Variants in PLEKHB2 observed in about 807,000 individuals in gnomAD.
PLEKHB2 encodes the protein pleckstrin homology domain containing B2.
In PLEKHB2, 31 loss-of-function variants were observed where a neutral mutation model predicts 36.5. That is an observed-to-expected ratio of 0.85 (90% confidence interval 0.64 to 1.15). PLEKHB2 has a LOEUF of 1.15. Ranked by LOEUF, PLEKHB2 falls within the 50% of genes most tolerant of loss-of-function variation. The pLI is 0.00. For missense variants in PLEKHB2, 262 were observed against 295.3 expected (o/e 0.89, Z 0.83); for synonymous variants, 119 against 112.0 (o/e 1.06, Z -0.39).
intron 1 of PLEKHB2, 134 bp from the exon 2 acceptor site, chr2:131,120,800 A>G: frequency 1.2e-6 from 1 of 805,244 alleles, no homozygotes; most frequent in Non-Finnish European, 2.2e-6. Flanking sequence ...GTTAAATGCC[A>G]GGGGGGCACT....
At chr2:131,106,065 A>G (rs1284842381) in intron 1 of PLEKHB2, among the ~76,000 whole-genome samples, 1 of 151,942 alleles carries the variant, frequency 6.6e-6, no homozygotes, top group Non-Finnish European at 1.5e-5. Context: ...CTTATCTTAC[A>G]TATCTCTCTT....
intron 1 of PLEKHB2, among the ~76,000 whole-genome samples, chr2:131,116,953 C>T (rs913846890): frequency 6.6e-6 from 1 of 152,024 alleles, no homozygotes; most frequent in Non-Finnish European, 1.5e-5. Context: ...TGGTGAAAGC[C>T]TGTCTCCACT....
chr2:131,111,625 GGACTACAGGAGCCTGC>G (rs1267668525), intron 1 of PLEKHB2, among the ~76,000 whole-genome samples: 1 of 150,976 alleles, frequency 6.6e-6, no homozygotes, highest in Admixed American at 6.6e-5. Context: ...TGAGTAGCTG[GGACTACAGGAGCCTGC>G]CACCACGCCC....
chr2:131,125,091 G>GT, intron 2 of PLEKHB2, among the ~76,000 whole-genome samples: 1 of 152,170 alleles, frequency 6.6e-6, no homozygotes, highest in South Asian at 2.1e-4. Flanking sequence ...GCCAAAATGT[G>GT]TTTTTTCAAA....
At chr2:131,105,755 T>C (rs2104743405) in intron 1 of PLEKHB2, among the ~76,000 whole-genome samples, 1 of 152,000 alleles carries the variant, frequency 6.6e-6, no homozygotes, top group South Asian at 2.1e-4. Flanking sequence ...CCGCGGACCC[T>C]CCTCCTTTCC....
rs1699532380 is a variant in PLEKHB2, at chr2:131,149,531, T to G, written c.*2758T>G. On this transcript the variant is annotated 3_prime_UTR_variant, in exon 8 of 8. Transcript: ENST00000693505. The stretch of plus-strand genomic sequence containing the variant: ...ATCATTTGTGAACAAGGCCAGACTT[T>G]GCCCATTTTAGGCTATCCAGGACTT... The G allele has an allele frequency of 6.6e-6, 1 of 152,252 alleles. No individual in the cohort carries two copies. Among genetic ancestry groups the G allele is most frequent in the African/African-American group, 2.4e-5 (1 of 41,472 alleles). 9.4% of individuals were successfully genotyped at this position (152,252 alleles called of 1,614,324 possible).
In PLEKHB2 at chr2:131,125,883, C is replaced by T; in HGVS notation, c.168C>T (p.Ile56=). 1 of 1,613,318 alleles carries T rather than the reference C, an allele frequency of 6.2e-7. No individual in the cohort carries two copies. Among genetic ancestry groups the T allele is most frequent in the Non-Finnish European group, 8.5e-7 (1 of 1,179,764 alleles). The change falls in exon 3 of 8, where the codon ATC becomes ATT. Residue 56 remains isoleucine (I), a synonymous_variant. Transcript: ENST00000693505. ...KVHMPMDCIN[I]RTGQECRDTQ... is the part of the protein sequence containing the mutation. ...ACATGCCAATGGACTGCATCAACAT[C>T]CGCACGGGGCAGGAATGTCGGGGTA...
At position 131,146,725 on chromosome 2, in the gene PLEKHB2, A is replaced by G; in HGVS notation, c.621A>G (p.Ala207=). The G allele has an allele frequency of 6.2e-7, 1 of 1,614,010 alleles. No homozygotes were observed. The highest frequency in any genetic ancestry group is 8.5e-7 in the Non-Finnish European group (1 of 1,179,942). Residue 207 remains alanine (A), a synonymous_variant, in exon 8 of 8, where the codon GCA becomes GCG. Coordinates refer to ENST00000693505, the MANE Select transcript of PLEKHB2 (RefSeq NM_001100623.2). The stretch of plus-strand genomic sequence containing the variant: ...GCGACCTGGCACTGGGCATGCTGGC[A>G]GGAGCAGCCACGGGCATGGCCTTAG... ...NDSDLALGML[A]GAATGMALGS... is the part of the protein sequence containing the mutation.
chr2:131,145,212 T>TTGAGTA (rs1699162785), intron 7 of PLEKHB2, among the ~76,000 whole-genome samples: 1 of 152,236 alleles, frequency 6.6e-6, no homozygotes, highest in Non-Finnish European at 1.5e-5. Flanking sequence ...GTGCACTCAG[T>TTGAGTA]TGAGTAAGAG....
chr2:131,111,637 C>G (rs1014834260), intron 1 of PLEKHB2, among the ~76,000 whole-genome samples: 2 of 151,506 alleles, frequency 1.3e-5, no homozygotes, highest in Non-Finnish European at 2.9e-5. Flanking sequence ...ACTACAGGAG[C>G]CTGCCACCAC....
intron 6 of PLEKHB2, among the ~76,000 whole-genome samples, chr2:131,135,897 C>T (rs570479845): frequency 3.9e-5 from 6 of 152,138 alleles, no homozygotes; most frequent in African/African-American, 9.6e-5. Flanking sequence ...CGTGAGCCAC[C>T]GCGCCCGGCC....
At chr2:131,128,061 G>C (rs926384198) in intron 4 of PLEKHB2, among the ~76,000 whole-genome samples, 6 of 152,106 alleles carry the variant, frequency 3.9e-5, no homozygotes, top group Non-Finnish European at 7.3e-5. Context: ...AGACTTACTC[G>C]GTCTCAGAAG....
Position 131,140,055 on chromosome 2 carries a change from TG to T in PLEKHB2, c.424-111del, listed in dbSNP as rs1224316981. The T allele has an allele frequency of 1.3e-5, 8 of 635,744 alleles. No individual in the cohort carries two copies. In the Admixed American group the frequency reaches 2.0e-4, roughly 16 times the overall value. The allele number at this position is 635,744 out of a possible 1,614,324, so 39.4% of individuals were successfully genotyped here. A position where few individuals can be genotyped will look rare whatever the true frequency, so the allele number is the denominator to read the frequency against. On this transcript the variant is annotated intron_variant, in intron 6 of 7. Transcript: ENST00000693505. ...AACCACACTGTTTCATGTTTTGTTT[TG>T]TTTTTTTTAATTGACTGTTGAATTT...
intron 2 of PLEKHB2, among the ~76,000 whole-genome samples, chr2:131,123,013 GAAGT>G (rs1378878789): frequency 5.9e-5 from 9 of 152,286 alleles, no homozygotes; most frequent in African/African-American, 1.9e-4. Flanking sequence ...ACCACAACTT[GAAGT>G]AAGTGCTCTG....
At chr2:131,142,652 A>G (rs1454250454) in intron 7 of PLEKHB2, among the ~76,000 whole-genome samples, 2 of 151,254 alleles carry the variant, frequency 1.3e-5, no homozygotes, top group Admixed American at 6.6e-5. Context: ...GCTCACTGCA[A>G]CCTCTGCCTC....
intron 6 of PLEKHB2, among the ~76,000 whole-genome samples, chr2:131,135,280 C>T (rs1453530595): frequency 6.6e-6 from 1 of 152,092 alleles, no homozygotes; most frequent in Non-Finnish European, 1.5e-5. Context: ...GATGGCCAGG[C>T]TAGTTTCAAA....
intron 6 of PLEKHB2, among the ~76,000 whole-genome samples, chr2:131,137,524 G>A (rs1314153200): frequency 2.6e-5 from 4 of 152,102 alleles, no homozygotes; most frequent in Admixed American, 1.3e-4. Flanking sequence ...TTTTCTTATA[G>A]GTTGTCTGAC....
chr2:131,109,556 G>C (rs1001202543), intron 1 of PLEKHB2, among the ~76,000 whole-genome samples: 12 of 152,040 alleles, frequency 7.9e-5, no homozygotes, highest in African/African-American at 2.7e-4. Context: ...TGTGCGTGGT[G>C]GTGGGCGCCT....
chr2:131,111,129 T>C (rs1318485631), intron 1 of PLEKHB2, among the ~76,000 whole-genome samples: 1 of 151,904 alleles, frequency 6.6e-6, no homozygotes, highest in Non-Finnish European at 1.5e-5. Context: ...CTCAGCCTGC[T>C]CAGTAGCTGG....
Sources: gnomAD v4.1 joint callset for allele counts (sites outside exome capture counted in the v4.1 genomes callset) on GRCh38, gnomAD v4.1.1 for gene constraint, MANE v1.5 for transcripts, NCBI Gene and HGNC (gene_info 2026-07-23, HGNC 2026-07-21) for gene names.